USF3: variants seen among roughly 807,000 people sequenced by gnomAD.
The protein encoded by USF3 is upstream transcription factor family member 3, also known as basic helix-loop-helix domain-containing protein USF3.
In USF3, 29 loss-of-function variants were observed where a neutral mutation model predicts 157.5. That is an observed-to-expected ratio of 0.18 (90% CI 0.14 to 0.25). The LOEUF is 0.25. USF3 is among the 10% of genes least tolerant of loss of function. USF3 has a pLI of 1.00. For synonymous variants in USF3, 893 were observed against 941.4 expected (o/e 0.95, Z 0.94); for missense variants, 2,381 against 2,667.6 (o/e 0.89, Z 2.37).
In USF3 at chr3:113,652,840, C is replaced by G; in HGVS notation, c.*2104G>C. 1 of 221,914 alleles carries G rather than the reference C, an allele frequency of 4.5e-6. No homozygotes were observed. The highest frequency in any genetic ancestry group is 6.8e-5 in the South Asian group (1 of 14,638). 13.7% of individuals were successfully genotyped at this position (221,914 alleles called of 1,614,324 possible). A position where few individuals can be genotyped will look rare whatever the true frequency, so the allele number is the denominator to read the frequency against. Reference sequence around the variant, plus strand: ...GTGTAGTGGCACAGACCTGTAATCTCAGCTACTCGGGAGGCTGAGGCTCAA... The same window carrying G: ...GTGTAGTGGCACAGACCTGTAATCTGAGCTACTCGGGAGGCTGAGGCTCAA... On this transcript the variant is annotated 3_prime_UTR_variant, in exon 7 of 7. Transcript: ENST00000316407.
Position 113,663,234 on chromosome 3 carries a change from C to G in USF3, c.256+1079G>C, listed in dbSNP as rs764009500. ...TCTGGTCAGCTTTTTCTGAGTCCCA[C>G]GCAACTTCTATTTTTCAACAATTTC... On this transcript the variant is annotated intron_variant, in intron 6 of 6. Coordinates refer to ENST00000316407, the MANE Select transcript of USF3 (RefSeq NM_001009899.4). Among the ~76,000 whole-genome samples the G allele has an allele frequency of 2.0e-5, 3 of 152,258 alleles. No homozygotes were observed. The East Asian group carries it at 5.8e-4, about 29-fold the overall frequency.
At chr3:113,687,460 C>A (rs1013694230) in intron 1 of USF3, among the ~76,000 whole-genome samples, 1 of 152,186 alleles carries the variant, frequency 6.6e-6, no homozygotes, top group Non-Finnish European at 1.5e-5. Flanking sequence ...TGCTTCCAAG[C>A]CTTCTCAGCA....
rs1947402444 is a variant in USF3 at position 113,658,143 on chromosome 3, A to G, written c.3539T>C (p.Ile1180Thr). 6.2e-7 allele frequency: 1 copy of G among 1,613,978 alleles called. No individual in the cohort carries two copies. The highest frequency in any genetic ancestry group is 1.3e-5 in the African/African-American group (1 of 74,904). Residue 1180 changes from isoleucine (I) to threonine (T), a missense_variant, in exon 7 of 7, where the codon ATA becomes ACA. Physicochemically the swap from Ile to Thr is moderately conservative, Grantham distance 89. Transcript: ENST00000316407. ...LEGDPPFKSQ[I>T]PKESGTGQAE... ...CTGTCCTGTGCCACTCTCTTTAGGTATCTGTGATTTGAAGGGTGGGTCTCC... is the reference window on the plus strand; with the variant it reads ...CTGTCCTGTGCCACTCTCTTTAGGTGTCTGTGATTTGAAGGGTGGGTCTCC...
intron 1 of USF3, among the ~76,000 whole-genome samples, chr3:113,683,117 T>C (rs939748249): frequency 2.0e-5 from 3 of 152,074 alleles, no homozygotes; most frequent in African/African-American, 7.2e-5. Context: ...TGCGTATTTA[T>C]TGTATTTTTC....
chr3:113,660,715 TCAG>T lies in USF3; in HGVS notation c.964_966del (p.Leu322del). The T allele has an allele frequency of 6.2e-7, 1 of 1,614,236 alleles. No homozygotes were observed. The highest frequency in any genetic ancestry group is 8.5e-7 in the Non-Finnish European group (1 of 1,180,026). ...AAATCACCTCTGAAGTCCTGTATGC[TCAG>T]GCAGGACTTGTTTCCATGGTGCACT... On this transcript the variant is annotated inframe_deletion, in exon 7 of 7. Coordinates refer to ENST00000316407, the MANE Select transcript of USF3 (RefSeq NM_001009899.4).
At position 113,655,891 on chromosome 3, in the gene USF3, T is replaced by A. The variant is rs1331501405; in HGVS notation, c.5791A>T (p.Thr1931Ser). Residue 1931 changes from threonine to serine, a missense_variant, in exon 7 of 7, where the codon ACC becomes TCC. Physicochemically the swap from Thr to Ser is moderately conservative, Grantham distance 58 (BLOSUM62 1). Coordinates refer to ENST00000316407, the MANE Select transcript of USF3 (RefSeq NM_001009899.4). Reference sequence around the variant, plus strand: ...ACTGGAGGGTTCATGTGGCCCTTGGTGGCATGACTCTCAGTAATCCTCATG... The same window carrying A: ...ACTGGAGGGTTCATGTGGCCCTTGGAGGCATGACTCTCAGTAATCCTCATG... The part of the protein sequence containing the change: ...NPMRITESHA[T>S]KGHMNPPVTT... The A allele has an allele frequency of 4.3e-6, 7 of 1,614,054 alleles. No homozygotes were observed. Among genetic ancestry groups the A allele is most frequent in the African/African-American group, 1.3e-5 (1 of 74,912 alleles).
At chr3:113,675,179 A>G (rs1678569852) in intron 2 of USF3, among the ~76,000 whole-genome samples, 1 of 152,186 alleles carries the variant, frequency 6.6e-6, no homozygotes, top group Admixed American at 6.5e-5. Context: ...GGAAATCAAG[A>G]AAAGCTTAAA....
At chr3:113,672,177 T>C (rs577766011) in intron 4 of USF3, among the ~76,000 whole-genome samples, 2 of 151,200 alleles carry the variant, frequency 1.3e-5, no homozygotes, top group East Asian at 3.9e-4. Flanking sequence ...AGCCTCACTC[T>C]GTCACCCCAG....
chr3:113,655,328 A>G lies in USF3; in HGVS notation c.6354T>C (p.His2118=). The change falls in exon 7 of 7, where the codon CAT becomes CAC. Residue 2118 remains histidine (H), a synonymous_variant. Coordinates refer to ENST00000316407, the MANE Select transcript of USF3 (RefSeq NM_001009899.4). ...PSFYPPYSPA[H]PTLSNDISIP... ...TTGAAATATCATTGGACAGTGTAGG[A>G]TGAGCAGGAGAGTATGGAGGATAGA... is the stretch of plus-strand genomic sequence containing the variant. The G allele has an allele frequency of 6.2e-7, 1 of 1,614,148 alleles. No individual in the cohort carries two copies.
rs1947449364 is a variant in USF3, at chr3:113,659,906, T to G, written c.1776A>C (p.Pro592=). 2 of 1,613,818 alleles carry G rather than the reference T, an allele frequency of 1.2e-6. No individual in the cohort carries two copies. Among genetic ancestry groups the G allele is most frequent in the Admixed American group, 1.7e-5 (1 of 59,988 alleles). ...AACCAGGAGGTGGAGCAGGGAGGAG[T>G]GGCAAAGGATTCTGATTAGCAGCCT... The part of the protein sequence containing the change: ...IIQAANQNPL[P]LLPAPPPGSV... Residue 592 remains proline, a synonymous_variant, in exon 7 of 7, where the codon CCA becomes CCC. Coordinates refer to ENST00000316407, the MANE Select transcript of USF3 (RefSeq NM_001009899.4).
intron 5 of USF3, among the ~76,000 whole-genome samples, chr3:113,666,094 G>A (rs887849421): frequency 4.6e-5 from 7 of 151,604 alleles, no homozygotes; most frequent in Non-Finnish European, 8.8e-5. Context: ...TGAGTCAGGA[G>A]AATCACTTGA....
intron 1 of USF3, among the ~76,000 whole-genome samples, chr3:113,679,594 A>G (rs1347345856): frequency 1.3e-5 from 2 of 151,846 alleles, no homozygotes; most frequent in African/African-American, 4.8e-5. Flanking sequence ...TTGTATTTTT[A>G]GTAGAGACGG....
In USF3 at chr3:113,655,072, C is replaced by T; in HGVS notation, c.6610G>A (p.Gly2204Ser). The change falls in exon 7 of 7, where the codon GGC becomes AGC. Residue 2204 changes from glycine to serine, a missense_variant. By Grantham distance (56) the Gly-to-Ser change is moderately conservative. Around this residue, in one of 6 missense-constraint regions of USF3, gnomAD observed 770 missense variants for 824.2 expected, o/e 0.93. Transcript: ENST00000316407. ...GTAAGCAAAGGTGACATTGCTGAGC[C>T]ATCAGGAAGCGCTGTGGCTATTTCT... Reference protein sequence around the residue: ...FPEIATALPDGSAMSPLLTIA... With the variant: ...FPEIATALPDSSAMSPLLTIA... 6.2e-7 allele frequency: 1 copy of T among 1,614,202 alleles called. No individual in the cohort carries two copies. The highest frequency in any genetic ancestry group is 8.5e-7 in the Non-Finnish European group (1 of 1,180,040).
Position 113,674,885 on chromosome 3 carries a change from A to G in USF3, c.-7T>C, listed in dbSNP as rs957372333. 3.7e-6 allele frequency: 6 copies of G among 1,609,906 alleles called. No individual in the cohort carries two copies. In the African/African-American group the frequency reaches 5.3e-5, roughly 14 times the overall value. On this transcript the variant is annotated 5_prime_UTR_variant, in exon 3 of 7. Transcript: ENST00000316407. ...TCTCTGTCATTTCTGGCATGGTTAC[A>G]GTAATAGGAACCTACAGAAGGATAG...
At chr3:113,676,690 T>C (rs1045636338) in intron 2 of USF3, among the ~76,000 whole-genome samples, 1 of 152,146 alleles carries the variant, frequency 6.6e-6, no homozygotes. Flanking sequence ...TGTGGTACAC[T>C]GGAGGAGGTG....
chr3:113,669,371 T>C lies in USF3; in HGVS notation c.159+750A>G, dbSNP rs568549745. 3.3e-5 allele frequency among the ~76,000 whole-genome samples: 5 copies of C among 151,818 alleles called. No homozygotes were observed. In the South Asian group the frequency reaches 8.3e-4, roughly 25 times the overall value. ...GAATATTTGCCTCTGAGGAGCTATG[T>C]TGGGGTTAGGAAGCAGGTAGGAGAT... On this transcript the variant is annotated intron_variant, in intron 5 of 6. Transcript: ENST00000316407.
chr3:113,658,654 C>T lies in USF3; in HGVS notation c.3028G>A (p.Asp1010Asn). The T allele has an allele frequency of 1.2e-6, 2 of 1,613,364 alleles. No homozygotes were observed. The highest frequency in any genetic ancestry group is 1.7e-6 in the Non-Finnish European group (2 of 1,179,814). The part of the protein sequence containing the change: ...KGQGLTTLLS[D>N]LAKKKNPQKS... ...TGAGGGTTTTTTTTTTTAGCAAGAT[C>T]AGATAGCAATGTAGTTAAACCTTGC... The change falls in exon 7 of 7, where the codon GAT (aspartate) becomes AAT (asparagine). Residue 1010 changes from aspartate (D) to asparagine (N), a missense_variant. Coordinates refer to ENST00000316407, the MANE Select transcript of USF3 (RefSeq NM_001009899.4).
At chr3:113,690,398 C>T (rs370385631) in intron 1 of USF3, among the ~76,000 whole-genome samples, 52 of 152,266 alleles carry the variant, frequency 3.4e-4, no homozygotes, top group African/African-American at 1.2e-3. Flanking sequence ...TTTACCATGT[C>T]CTCTCCTGCT....
At position 113,657,685 on chromosome 3, in the gene USF3, G is replaced by C; in HGVS notation, c.3997C>G (p.Gln1333Glu). The C allele has an allele frequency of 6.2e-7, 1 of 1,614,164 alleles. No individual in the cohort carries two copies. The highest frequency in any genetic ancestry group is 8.5e-7 in the Non-Finnish European group (1 of 1,180,040). The stretch of plus-strand genomic sequence containing the variant: ...GCTGAAGACAGTAAAAGGTCATCTT[G>C]GACAGCACGCTTAGCAGAATCCTTA... ...SRKDSAKRAV[Q>E]DDLLLSSAKR... The change falls in exon 7 of 7, where the codon CAA (glutamine) becomes GAA (glutamate). Residue 1333 changes from glutamine (Q) to glutamate (E), a missense_variant. Gln to Glu is a conservative substitution (Grantham distance 29, BLOSUM62 2). Around this residue, in one of 6 missense-constraint regions of USF3, gnomAD observed 1,435 missense variants for 1,550.9 expected, o/e 0.93. Coordinates refer to ENST00000316407, the MANE Select transcript of USF3 (RefSeq NM_001009899.4).
Sources: gnomAD v4.1 joint callset for allele counts (sites outside exome capture counted in the v4.1 genomes callset) on GRCh38, gnomAD v4.1.1 for gene constraint, gnomAD v4.1.1 regional missense constraint, MANE v1.5 for transcripts, NCBI Gene and HGNC (gene_info 2026-07-23, HGNC 2026-07-21) for gene names.